MKRN2OS: variants seen among roughly 807,000 people sequenced by gnomAD.
MKRN2OS encodes the protein MKRN2 opposite strand, also known as MKRN2 opposite strand protein.
MKRN2OS carries 17 observed loss-of-function variants against 18.2 expected under a neutral mutation model. The observed-to-expected ratio is 0.93, with a 90% confidence interval of 0.64 to 1.40. The LOEUF is 1.40. Among genes scored for constraint, MKRN2OS ranks in the 40% most tolerant of loss-of-function variants. The pLI is 0.00. For missense variants in MKRN2OS, 337 were observed against 283.0 expected (o/e 1.19, Z -1.37); for synonymous variants, 121 against 108.5 (o/e 1.12, Z -0.72).
rs1414863265 is a variant in MKRN2OS at position 12,544,639 on chromosome 3, A to AGCCTGGAGG, written c.218+607_218+608insCCTCCAGGC. Among the ~76,000 whole-genome samples the AGCCTGGAGG allele has an allele frequency of 9.9e-5, 15 of 151,384 alleles. 1 individual carries two copies. Among genetic ancestry groups the AGCCTGGAGG allele is most frequent in the Admixed American group, 7.3e-4 (11 of 15,152 alleles). ...GGAGGTTGCAGTAAGCTGAGACACC[A>AGCCTGGAGG]TTGCACTCCAGCCTGGGCAACAAGA... On this transcript the variant is annotated intron_variant, in intron 1 of 3. Transcript: ENST00000564146.
chr3:12,540,555 G>T, intron 3 of MKRN2OS, 122 bp from the exon 4 acceptor site: 2 of 1,167,580 alleles, frequency 1.7e-6, no homozygotes, highest in South Asian at 1.4e-5. Context: ...GCATGTGCTG[G>T]CTTATGTGGT....
intron 2 of MKRN2OS, among the ~76,000 whole-genome samples, chr3:12,542,565 C>T (rs1393434435): frequency 6.6e-6 from 1 of 152,048 alleles, no homozygotes; most frequent in Non-Finnish European, 1.5e-5. Flanking sequence ...GCCTCACCTG[C>T]CTCACCATAT....
downstream of MKRN2OS, among the ~76,000 whole-genome samples, chr3:12,551,271 T>C (rs2057927598): frequency 6.6e-6 from 1 of 150,492 alleles, no homozygotes; most frequent in South Asian, 2.1e-4. Flanking sequence ...GGTGGGTGGA[T>C]CACTTGAGGC....
At chr3:12,544,957 C>G (rs1487338050) in intron 1 of MKRN2OS, among the ~76,000 whole-genome samples, 2 of 152,236 alleles carry the variant, frequency 1.3e-5, no homozygotes, top group South Asian at 4.1e-4. Context: ...GCTGCTGGGT[C>G]ATTTTCCTGG....
intron 1 of MKRN2OS, among the ~76,000 whole-genome samples, chr3:12,556,377 T>A (rs1247842607): frequency 1.1e-5 from 1 of 94,712 alleles, no homozygotes; most frequent in African/African-American, 8.4e-5. Context: ...AAAATAATAA[T>A]AATTAAAAAA....
chr3:12,558,537 A>ATT (rs10670373), intron 1 of MKRN2OS, among the ~76,000 whole-genome samples: 2,240 of 152,314 alleles, frequency 0.015, 53 homozygotes, highest in African/African-American at 0.049. Flanking sequence ...AACAGTACAC[A>ATT]TTTATGTAAT....
At position 12,540,541 on chromosome 3, in the gene MKRN2OS, C is replaced by T. The variant is rs1485271498; in HGVS notation, c.432-108G>A. ...AATCGGGTGCCTCAGCAAGCAAGGC[C>T]CCTGCATGTGCTGGCTTATGTGGTT... is the stretch of plus-strand genomic sequence containing the variant. On this transcript the variant is annotated intron_variant, in intron 3 of 3. Transcript: ENST00000564146. 4 of 1,305,634 alleles carry T rather than the reference C, an allele frequency of 3.1e-6. No individual in the cohort carries two copies. The African/African-American group carries it at 5.9e-5, about 19-fold the overall frequency. 80.9% of individuals were successfully genotyped at this position (1,305,634 alleles called of 1,614,324 possible).
chr3:12,557,338 C>T (rs1045721454), intron 1 of MKRN2OS, among the ~76,000 whole-genome samples: 3 of 152,214 alleles, frequency 2.0e-5, no homozygotes, highest in Non-Finnish European at 2.9e-5. Context: ...GCGCTGCCGC[C>T]ACAGCCGGGG....
At chr3:12,541,262 T>C (rs1421886703) in intron 3 of MKRN2OS, among the ~76,000 whole-genome samples, 1 of 152,116 alleles carries the variant, frequency 6.6e-6, no homozygotes, top group Non-Finnish European at 1.5e-5. Context: ...CTTACTCTCT[T>C]GCCCAGGCTG....
upstream of MKRN2OS, among the ~76,000 whole-genome samples, chr3:12,546,138 T>G (rs930176922): frequency 6.6e-6 from 1 of 152,202 alleles, no homozygotes. Flanking sequence ...CGTTAGTCTG[T>G]GAGCTTCTTG....
chr3:12,557,143 C>T, intron 1 of MKRN2OS: 1 of 1,522,698 alleles, frequency 6.6e-7, no homozygotes, highest in Non-Finnish European at 8.8e-7. Context: ...TCCCTCAGCC[C>T]AGCCACCATG....
upstream of MKRN2OS, among the ~76,000 whole-genome samples, chr3:12,547,864 T>C (rs1172909173): frequency 1.3e-5 from 2 of 150,452 alleles, no homozygotes; most frequent in Middle Eastern, 3.4e-3. Flanking sequence ...TCCAGTGTTA[T>C]AACATGAGAA....
Position 12,540,404 on chromosome 3 carries a change from G to C in MKRN2OS, c.461C>G (p.Ser154Cys). The C allele has an allele frequency of 5.9e-6, 9 of 1,536,164 alleles. No homozygotes were observed. Among genetic ancestry groups the C allele is most frequent in the East Asian group, 4.9e-5 (2 of 40,922 alleles). ...RYEDNHHNCY[S>C]YALTFINCVL... is the part of the protein sequence containing the mutation. The stretch of plus-strand genomic sequence containing the variant: ...GCAGTTAATGAACGTGAGTGCGTAA[G>C]AGTAGCAGTTATGGTGGTTGTCTTC... Residue 154 changes from serine to cysteine, a missense_variant, in exon 4 of 4, where the codon TCT becomes TGT. Ser to Cys is a moderately radical substitution (Grantham distance 112). Coordinates refer to ENST00000564146, the MANE Select transcript of MKRN2OS (RefSeq NM_001195279.2).
chr3:12,542,727 A>AAAC lies in MKRN2OS; in HGVS notation c.268+452_268+453insGTT, dbSNP rs1553606398. Reference sequence around the variant, plus strand: ...CACTTTCCTTAAAAAAAAAAAAAAAAAAAAAAACACTGCAGGCCCCACCAC... The same window carrying AAAC: ...CACTTTCCTTAAAAAAAAAAAAAAAAAACAAAAAAACACTGCAGGCCCCACCAC... On this transcript the variant is annotated intron_variant, in intron 2 of 3. Coordinates refer to ENST00000564146, the MANE Select transcript of MKRN2OS (RefSeq NM_001195279.2). Among the ~76,000 whole-genome samples the AAAC allele has an allele frequency of 1.6e-3, 233 of 147,554 alleles. 3 individuals are homozygous for AAAC. The highest frequency in any genetic ancestry group is 6.4e-3 in the East Asian group (33 of 5,134).
In MKRN2OS at chr3:12,545,474, C is replaced by T. The variant is rs2057874125; in HGVS notation, c.-10G>A. On this transcript the variant is annotated 5_prime_UTR_variant, in exon 1 of 4. Transcript: ENST00000564146. Reference sequence around the variant, plus strand: ...CCTCTGCGCAGTGCATAGCTTTCGCCTCCTGGAATGCTAGGGGAGGTTTCC... The same window carrying T: ...CCTCTGCGCAGTGCATAGCTTTCGCTTCCTGGAATGCTAGGGGAGGTTTCC... 3.3e-6 allele frequency: 5 copies of T among 1,501,052 alleles called. No homozygotes were observed. Among genetic ancestry groups the T allele is most frequent in the African/African-American group, 1.4e-5 (1 of 72,012 alleles). The allele number at this position is 1,501,052 out of a possible 1,614,324, so 93.0% of individuals were successfully genotyped here. A position where few individuals can be genotyped will look rare whatever the true frequency, so the allele number is the denominator to read the frequency against.
downstream of MKRN2OS, among the ~76,000 whole-genome samples, chr3:12,551,494 C>CAAA (rs11454728): frequency 8.5e-6 from 1 of 117,606 alleles, no homozygotes; most frequent in African/African-American, 3.2e-5. Context: ...GACTCCATCT[C>CAAA]AAAAAAAAAA....
chr3:12,556,816 G>A (rs1469204842), intron 1 of MKRN2OS, among the ~76,000 whole-genome samples: 1 of 152,184 alleles, frequency 6.6e-6, no homozygotes, highest in Non-Finnish European at 1.5e-5. Flanking sequence ...AATACTCTTG[G>A]CGATCGGGGC....
chr3:12,542,127 A>G (rs2057823633), intron 2 of MKRN2OS, 105 bp from the exon 3 acceptor site: 4 of 1,183,850 alleles, frequency 3.4e-6, no homozygotes, highest in Non-Finnish European at 4.6e-6. Flanking sequence ...TTTACGTAAC[A>G]TAAATCCAGG....
Position 12,542,001 on chromosome 3 carries a change from G to C in MKRN2OS, c.290C>G (p.Ala97Gly). The change falls in exon 3 of 4, where the codon GCA (alanine) becomes GGA (glycine). Residue 97 changes from alanine to glycine, a missense_variant. Coordinates refer to ENST00000564146, the MANE Select transcript of MKRN2OS (RefSeq NM_001195279.2). ...TTCTCCGTCTCGCTGGACACCATGT[G>C]CACTGTAATTATACACAACCCCTGC... ...NTNGVVYNYS[A>G]HGVQRDGEGW... 6.5e-7 allele frequency: 1 copy of C among 1,535,790 alleles called. No individual in the cohort carries two copies. Among genetic ancestry groups the C allele is most frequent in the Non-Finnish European group, 8.7e-7 (1 of 1,146,758 alleles).
Sources: allele counts gnomAD v4.1 joint callset (sites outside exome capture counted in the v4.1 genomes callset), GRCh38; gene constraint gnomAD v4.1.1; transcripts MANE v1.5; gene names NCBI Gene and HGNC (gene_info 2026-07-23, HGNC 2026-07-21).